The following ALDH1A2 variants were observed in gnomAD, a reference collection of about 807,000 sequenced individuals.
The protein encoded by ALDH1A2 is aldehyde dehydrogenase 1 family member A2.
A neutral mutation model predicts 60.3 loss-of-function variants in ALDH1A2; 27 were observed. The ratio of observed to expected loss-of-function variants is 0.45; its 90% CI spans 0.33 to 0.62. The LOEUF (loss-of-function observed/expected upper bound fraction) is 0.62, where lower values mean the gene tolerates loss of function less well. ALDH1A2 is among the 20% of genes least tolerant of loss of function. ALDH1A2 has a pLI of 0.02. For synonymous variants in ALDH1A2, 289 were observed against 232.4 expected (o/e 1.24, Z -2.21); for missense variants, 581 against 643.8 (o/e 0.90, Z 1.06).
At chr15:57,989,163 T>C (rs1243184836) in intron 7 of ALDH1A2, among the ~76,000 whole-genome samples, 1 of 152,180 alleles carries the variant, frequency 6.6e-6, no homozygotes, top group African/African-American at 2.4e-5. Flanking sequence ...ATGTTACTCG[T>C]TTTTAGACTG....
intron 8 of ALDH1A2, among the ~76,000 whole-genome samples, chr15:57,964,982 G>A (rs1304836602): frequency 6.6e-6 from 1 of 151,814 alleles, no homozygotes; most frequent in Admixed American, 6.6e-5. Context: ...GTGAGACTGG[G>A]AAAGCAGCTC....
chr15:58,030,155 A>G (rs1896194341), intron 1 of ALDH1A2, among the ~76,000 whole-genome samples: 1 of 152,202 alleles, frequency 6.6e-6, no homozygotes, highest in Non-Finnish European at 1.5e-5. Flanking sequence ...ATACTGGCAA[A>G]CCAAATCCAG....
At chr15:58,061,986 AC>A (rs1378970989) in intron 1 of ALDH1A2, among the ~76,000 whole-genome samples, 1 of 152,118 alleles carries the variant, frequency 6.6e-6, no homozygotes, top group Non-Finnish European at 1.5e-5. Context: ...AGTGAAAAGC[AC>A]CCCTGTTAGG....
intron 1 of ALDH1A2, among the ~76,000 whole-genome samples, chr15:58,025,831 G>C (rs1359959456): frequency 6.6e-6 from 1 of 152,196 alleles, no homozygotes; most frequent in Non-Finnish European, 1.5e-5. Flanking sequence ...GTGACAGAGA[G>C]AGCAAGAGAG....
chr15:57,987,007 G>A (rs1894725595), intron 7 of ALDH1A2, among the ~76,000 whole-genome samples: 1 of 152,134 alleles, frequency 6.6e-6, no homozygotes, highest in Non-Finnish European at 1.5e-5. Context: ...GAATAAAGGG[G>A]TGTAGCGAGG....
intron 1 of ALDH1A2, among the ~76,000 whole-genome samples, chr15:58,046,261 C>T (rs1204166334): frequency 6.6e-6 from 1 of 151,852 alleles, no homozygotes; most frequent in Non-Finnish European, 1.5e-5. Flanking sequence ...TTTTGAAAGC[C>T]AATTAAAAGT....
chr15:57,963,157 C>T (rs1417653386), intron 9 of ALDH1A2, among the ~76,000 whole-genome samples: 3 of 152,024 alleles, frequency 2.0e-5, no homozygotes, highest in African/African-American at 2.4e-5. Context: ...CTTGGCAGCT[C>T]GTAAAAGGAT....
chr15:57,998,791 C>T (rs1460640822), intron 4 of ALDH1A2, among the ~76,000 whole-genome samples: 1 of 152,092 alleles, frequency 6.6e-6, no homozygotes, highest in Non-Finnish European at 1.5e-5. Context: ...TGCTACCTGA[C>T]TTCAAACTAT....
intron 4 of ALDH1A2, among the ~76,000 whole-genome samples, chr15:58,001,267 A>G (rs1367057084): frequency 6.6e-6 from 1 of 151,886 alleles, no homozygotes; most frequent in East Asian, 1.9e-4. Context: ...CAAGTTCTTT[A>G]CCCATAAAAA....
intron 3 of ALDH1A2, among the ~76,000 whole-genome samples, chr15:58,011,710 T>A (rs1333355033): frequency 1.3e-5 from 2 of 152,220 alleles, no homozygotes; most frequent in African/African-American, 4.8e-5. Context: ...TTTATCTACT[T>A]AGTATGTGTA....
At chr15:57,988,724 A>T (rs1894794843) in intron 7 of ALDH1A2, among the ~76,000 whole-genome samples, 1 of 152,232 alleles carries the variant, frequency 6.6e-6, no homozygotes, top group South Asian at 2.1e-4. Flanking sequence ...CAGTAAAGTC[A>T]TTTAAAACGT....
At chr15:58,023,951 G>A (rs1371553534) in intron 1 of ALDH1A2, among the ~76,000 whole-genome samples, 3 of 152,280 alleles carry the variant, frequency 2.0e-5, no homozygotes, top group African/African-American at 7.2e-5. Context: ...AAATTAGCCA[G>A]GCGTGGTGGC....
Position 58,033,667 on chromosome 15 carries a change from T to G in ALDH1A2, c.118-19386A>C, listed in dbSNP as rs537941859. Among the ~76,000 whole-genome samples the G allele has an allele frequency of 9.2e-4, 135 of 146,726 alleles. 1 individual carries two copies. Among genetic ancestry groups the G allele is most frequent in the African/African-American group, 3.1e-3 (125 of 39,938 alleles). ...AGTTAATTTTTGTGGAAGTTGTAAG[T>G]TCAGTGTTAGGACTCTTTTTTTTTT... On this transcript the variant is annotated intron_variant, in intron 1 of 12. Coordinates refer to ENST00000249750, the MANE Select transcript of ALDH1A2 (RefSeq NM_003888.4).
chr15:57,991,010 G>C (rs1894879482), intron 7 of ALDH1A2, among the ~76,000 whole-genome samples: 1 of 151,876 alleles, frequency 6.6e-6, no homozygotes, highest in African/African-American at 2.4e-5. Flanking sequence ...TTTTGATATA[G>C]AACCAAGAAC....
intron 7 of ALDH1A2, among the ~76,000 whole-genome samples, chr15:57,983,536 T>C (rs1255618473): frequency 1.3e-5 from 2 of 152,248 alleles, no homozygotes; most frequent in African/African-American, 4.8e-5. Flanking sequence ...AAAATACTTT[T>C]ATCTTTGAAT....
intron 1 of ALDH1A2, among the ~76,000 whole-genome samples, chr15:58,061,240 T>A (rs992240991): frequency 6.6e-6 from 1 of 151,856 alleles, no homozygotes; most frequent in Non-Finnish European, 1.5e-5. Flanking sequence ...ATGGAGATGA[T>A]ACAAACACCA....
intron 3 of ALDH1A2, among the ~76,000 whole-genome samples, chr15:58,013,603 T>G (rs1895698859): frequency 6.6e-6 from 1 of 151,970 alleles, no homozygotes; most frequent in Non-Finnish European, 1.5e-5. Context: ...AATACAAAAA[T>G]TAGCCAGGTG....
At chr15:58,024,227 AG>A (rs1309259455) in intron 1 of ALDH1A2, among the ~76,000 whole-genome samples, 1 of 152,224 alleles carries the variant, frequency 6.6e-6, no homozygotes, top group East Asian at 1.9e-4. Context: ...GTAAACAATA[AG>A]AAAAAAAAAG....
chr15:58,031,686 A>C (rs565508732), intron 1 of ALDH1A2, among the ~76,000 whole-genome samples: 2 of 152,318 alleles, frequency 1.3e-5, no homozygotes, highest in African/African-American at 2.4e-5. Context: ...CCCAACAAAA[A>C]GTGGGCAAAG....
Sources: gnomAD v4.1 joint callset for allele counts (sites outside exome capture counted in the v4.1 genomes callset) on GRCh38, gnomAD v4.1.1 for gene constraint, MANE v1.5 for transcripts, NCBI Gene and HGNC (gene_info 2026-07-23, HGNC 2026-07-21) for gene names.